The following PAPPA variants were observed in gnomAD, a reference collection of about 807,000 sequenced individuals.
The protein encoded by PAPPA is pappalysin-1.
In PAPPA, 60 loss-of-function variants were observed where a neutral mutation model predicts 164.0. The ratio of observed to expected loss-of-function variants is 0.37; its 90% CI spans 0.30 to 0.45. The LOEUF (loss-of-function observed/expected upper bound fraction) is 0.45. PAPPA is among the 20% of genes least tolerant of loss of function. The pLI, the probability that PAPPA is intolerant of heterozygous loss-of-function variation, is 1.00. For missense variants in PAPPA, 1,782 were observed against 2,087.3 expected (o/e 0.85, Z 2.85); for synonymous variants, 875 against 814.1 (o/e 1.07, Z -1.27).
chr9:116,214,733 G>A (rs1844349869), intron 4 of PAPPA, among the ~76,000 whole-genome samples: 1 of 152,150 alleles, frequency 6.6e-6, no homozygotes, highest in African/African-American at 2.4e-5. Flanking sequence ...GGCTACAAGA[G>A]TTCCTGGAGG....
Position 116,235,462 on chromosome 9 carries a change from A to T in PAPPA, c.2557A>T (p.Ile853Phe). The change falls in exon 7 of 22, where the codon ATC becomes TTC. Residue 853 changes from isoleucine to phenylalanine, a missense_variant. By Grantham distance (21) the Ile-to-Phe change is conservative. Around this residue, in one of 2 missense-constraint regions of PAPPA, gnomAD observed 1,324 missense variants for 1,656.9 expected, o/e 0.80. Transcript: ENST00000328252. ...LWDVGEEVYG[I>F]QIYTLDEHLE... ...GGACGTGGGCGAGGAGGTGTATGGCATCCAAATCTACACGCTGGATGAGCA... is the reference window on the plus strand; with the variant it reads ...GGACGTGGGCGAGGAGGTGTATGGCTTCCAAATCTACACGCTGGATGAGCA... The T allele has an allele frequency of 1.2e-6, 2 of 1,613,512 alleles. No homozygotes were observed. Among genetic ancestry groups the T allele is most frequent in the Non-Finnish European group, 1.7e-6 (2 of 1,179,790 alleles).
chr9:116,160,703 C>T (rs1354465375), intron 1 of PAPPA, among the ~76,000 whole-genome samples: 1 of 152,198 alleles, frequency 6.6e-6, no homozygotes, highest in Non-Finnish European at 1.5e-5. Context: ...GCTGCCCCTT[C>T]TCTAGAACTT....
At chr9:116,250,580 AG>A (rs1844849116) in intron 7 of PAPPA, among the ~76,000 whole-genome samples, 1 of 152,332 alleles carries the variant, frequency 6.6e-6, no homozygotes, top group South Asian at 2.1e-4. Flanking sequence ...TCTTGAGCTA[AG>A]CTCTGTGTAT....
chr9:116,317,230 G>A (rs1052969524), intron 10 of PAPPA, among the ~76,000 whole-genome samples: 2 of 152,284 alleles, frequency 1.3e-5, no homozygotes, highest in Non-Finnish European at 2.9e-5. Context: ...TGAATAGGCC[G>A]ATGCGGTCAA....
At chr9:116,373,945 A>C (rs1430717415) in intron 19 of PAPPA, among the ~76,000 whole-genome samples, 1 of 152,164 alleles carries the variant, frequency 6.6e-6, no homozygotes, top group Non-Finnish European at 1.5e-5. Flanking sequence ...AATGAGATGA[A>C]AGCTCTGAGC....
intron 9 of PAPPA, among the ~76,000 whole-genome samples, chr9:116,277,763 G>A (rs140113224): frequency 2.0e-5 from 3 of 152,084 alleles, no homozygotes; most frequent in East Asian, 1.9e-4. Context: ...TGCAACCTCC[G>A]CCTCCCAGGT....
chr9:116,222,155 G>A (rs2118710965), intron 5 of PAPPA, among the ~76,000 whole-genome samples: 1 of 152,276 alleles, frequency 6.6e-6, no homozygotes, highest in East Asian at 1.9e-4. Flanking sequence ...GTATGCCAAA[G>A]AGATTGCTAC....
intron 2 of PAPPA, among the ~76,000 whole-genome samples, chr9:116,190,830 G>A (rs890613836): frequency 6.6e-6 from 1 of 152,210 alleles, no homozygotes; most frequent in East Asian, 1.9e-4. Flanking sequence ...TAACCGCTGT[G>A]ACCAGGGCTT....
chr9:116,164,369 T>C (rs1843698726), intron 1 of PAPPA, among the ~76,000 whole-genome samples: 1 of 152,208 alleles, frequency 6.6e-6, no homozygotes, highest in Non-Finnish European at 1.5e-5. Flanking sequence ...ATGTGTTTGT[T>C]TTTTGGTATT....
At chr9:116,381,185 T>C (rs531417623) in intron 20 of PAPPA, among the ~76,000 whole-genome samples, 2 of 152,134 alleles carry the variant, frequency 1.3e-5, no homozygotes, top group African/African-American at 4.8e-5. Context: ...CTAGAGGAGA[T>C]AAGGTCACTT....
rs528680209 is a variant in PAPPA at position 116,401,763 on chromosome 9, G to A, written c.*5147G>A. ...ATTAATATGATGTTGAAACCTGTTT[G>A]GCACCTTCTGGAAGCTACCAAAAAA... On this transcript the variant is annotated 3_prime_UTR_variant, in exon 22 of 22. Transcript: ENST00000328252. 4.7e-5 allele frequency: 7 copies of A among 150,118 alleles called. No individual in the cohort carries two copies. The highest frequency in any genetic ancestry group is 8.9e-5 in the Non-Finnish European group (6 of 67,568). The allele number at this position is 150,118 out of a possible 1,614,324, so 9.3% of individuals were successfully genotyped here. A position where few individuals can be genotyped will look rare whatever the true frequency, so the allele number is the denominator to read the frequency against.
chr9:116,309,676 G>A (rs1252272777), intron 10 of PAPPA, among the ~76,000 whole-genome samples: 2 of 151,980 alleles, frequency 1.3e-5, no homozygotes, highest in African/African-American at 2.4e-5. Flanking sequence ...TGGGGGCTGC[G>A]AGGGGTATAT....
chr9:116,294,168 T>G (rs1845472673), intron 9 of PAPPA, among the ~76,000 whole-genome samples: 1 of 152,156 alleles, frequency 6.6e-6, no homozygotes, highest in South Asian at 2.1e-4. Flanking sequence ...TGTGATAATG[T>G]GATTACTTCC....
chr9:116,245,277 A>C (rs1192978035), intron 7 of PAPPA, among the ~76,000 whole-genome samples: 1 of 152,180 alleles, frequency 6.6e-6, no homozygotes, highest in Non-Finnish European at 1.5e-5. Context: ...GCATGTAATA[A>C]AATTATATTT....
At chr9:116,368,843 T>C (rs1281500681) in intron 19 of PAPPA, among the ~76,000 whole-genome samples, 1 of 152,142 alleles carries the variant, frequency 6.6e-6, no homozygotes, top group Non-Finnish European at 1.5e-5. Context: ...GGGCAGAACC[T>C]GATACTGGGT....
chr9:116,208,205 G>A (rs960715054), intron 3 of PAPPA, among the ~76,000 whole-genome samples: 1 of 152,210 alleles, frequency 6.6e-6, no homozygotes, highest in African/African-American at 2.4e-5. Context: ...AACAGTTTCT[G>A]AACCAGGCCC....
chr9:116,326,209 C>T (rs955751849), intron 10 of PAPPA, among the ~76,000 whole-genome samples: 2 of 152,140 alleles, frequency 1.3e-5, no homozygotes, highest in African/African-American at 4.8e-5. Context: ...TCAGCCCAAC[C>T]ACACCTGCTC....
chr9:116,209,082 A>G (rs538325994), intron 3 of PAPPA, among the ~76,000 whole-genome samples: 15 of 152,168 alleles, frequency 9.9e-5, no homozygotes, highest in Non-Finnish European at 2.1e-4. Flanking sequence ...AATAGTGCTG[A>G]GGTTGAGAAA....
In PAPPA at chr9:116,399,122, T is replaced by TATA. The variant is rs1847010100; in HGVS notation, c.*2506_*2507insATA. 6.2e-6 allele frequency: 1 copy of TATA among 160,640 alleles called. No individual in the cohort carries two copies. Among genetic ancestry groups the TATA allele is most frequent in the Admixed American group, 6.2e-5 (1 of 16,086 alleles). The allele number at this position is 160,640 out of a possible 1,614,324, so 10.0% of individuals were successfully genotyped here. A position where few individuals can be genotyped will look rare whatever the true frequency, so the allele number is the denominator to read the frequency against. Reference sequence around the variant, plus strand: ...ACCTTACCAGCTTCCCTCAAATCAGTCCTTATCCTCTTTCTATCTTCACTC... The same window carrying TATA: ...ACCTTACCAGCTTCCCTCAAATCAGTATACCTTATCCTCTTTCTATCTTCACTC... On this transcript the variant is annotated 3_prime_UTR_variant, in exon 22 of 22. Coordinates refer to ENST00000328252, the MANE Select transcript of PAPPA (RefSeq NM_002581.5).
Sources: gnomAD v4.1 joint callset for allele counts (sites outside exome capture counted in the v4.1 genomes callset) on GRCh38, gnomAD v4.1.1 for gene constraint, gnomAD v4.1.1 regional missense constraint, MANE v1.5 for transcripts, NCBI Gene and HGNC (gene_info 2026-07-23, HGNC 2026-07-21) for gene names.